The following IL1RL1 variants were observed in gnomAD, a reference collection of about 807,000 sequenced individuals.
IL1RL1 encodes interleukin 1 receptor like 1, also known as interleukin-1 receptor-like 1.
Under a neutral mutation model 50.9 loss-of-function variants are expected in IL1RL1, and 32 were observed. That is an observed-to-expected ratio of 0.63 (90% CI 0.47 to 0.84). The LOEUF (loss-of-function observed/expected upper bound fraction) is 0.84. IL1RL1 is among the 40% of genes least tolerant of loss of function. The pLI is 0.00. For missense variants in IL1RL1, 773 were observed against 662.9 expected, an observed-to-expected ratio of 1.17 and a Z score of -1.82; for synonymous variants, 275 against 236.0, an observed-to-expected ratio of 1.17 and a Z score of -1.51.
chr2:102,340,951 C>T, intron 5 of IL1RL1, 123 bp downstream of exon 5: 1 of 773,476 alleles, frequency 1.3e-6, no homozygotes, highest in Non-Finnish European at 2.0e-6. Flanking sequence ...CCTGCTCCAT[C>T]TTATCTTATA....
Position 102,340,261 on chromosome 2 carries a change from G to T in IL1RL1, c.436G>T (p.Glu146Ter). 6.3e-7 allele frequency: 1 copy of T among 1,592,916 alleles called. No individual in the cohort carries two copies. The highest frequency in any genetic ancestry group is 8.5e-7 in the Non-Finnish European group (1 of 1,175,224). Residue 146 changes from glutamate (E) to a stop codon, truncating the protein, a stop_gained, in exon 4 of 11, where the codon GAG becomes TAG. Transcript: ENST00000233954. LOFTEE classifies it high-confidence loss of function. ...IDLYNWTAPL[E>*]WFKNCQALQG... ...CCTCTACAACTGGACAGCACCTCTT[G>T]AGTGGTTTAAGGTAAGAAGAAATTT...
At chr2:102,329,752 TG>T (rs1196231825) in intron 1 of IL1RL1, among the ~76,000 whole-genome samples, 1 of 152,206 alleles carries the variant, frequency 6.6e-6, no homozygotes, top group Non-Finnish European at 1.5e-5. Context: ...TCATCATCAC[TG>T]GCCATCAGAG....
Position 102,349,154 on chromosome 2 carries a change from A to C in IL1RL1, c.1193A>C (p.Glu398Ala). The change falls in exon 10 of 11, where the codon GAG (glutamate) becomes GCG (alanine). Residue 398 changes from glutamate (E) to alanine (A), a missense_variant. Transcript: ENST00000233954. ...KSSTDGASRV[E>A]HFVHQILPDV... Reference sequence around the variant, plus strand: ...AGTACAGATGGGGCCAGTCGTGTAGAGCACTTTGTTCACCAGATTCTGCCT... The same window carrying C: ...AGTACAGATGGGGCCAGTCGTGTAGCGCACTTTGTTCACCAGATTCTGCCT... 3.1e-6 allele frequency: 5 copies of C among 1,613,370 alleles called. No homozygotes were observed. The highest frequency in any genetic ancestry group is 4.2e-6 in the Non-Finnish European group (5 of 1,179,318).
rs1283212888 is a variant in IL1RL1 at position 102,338,269 on chromosome 2, G to A, written c.5G>A (p.Gly2Glu). The change falls in exon 2 of 11, where the codon GGG (glycine) becomes GAG (glutamate). Residue 2 changes from glycine to glutamate, a missense_variant. By Grantham distance (98) the Gly-to-Glu change is moderately conservative. Transcript: ENST00000233954. The part of the protein sequence containing the change: M[G>E]FWILAILTIL... ...TGCTCTTGATTGATAAACAGAATGG[G>A]GTTTTGGATCTTAGCAATTCTCACA... The A allele has an allele frequency of 1.9e-6, 3 of 1,604,948 alleles. No individual in the cohort carries two copies. The highest frequency in any genetic ancestry group is 2.6e-6 in the Non-Finnish European group (3 of 1,173,272).
intron 1 of IL1RL1, among the ~76,000 whole-genome samples, chr2:102,326,329 C>T (rs1237516270): frequency 1.3e-5 from 2 of 152,102 alleles, no homozygotes; most frequent in Admixed American, 6.5e-5. Flanking sequence ...ACCAGGCCTG[C>T]CCTACAAGAG....
Position 102,351,974 on chromosome 2 carries a change from C to T in IL1RL1, c.*53C>T. The T allele has an allele frequency of 4.6e-6, 7 of 1,533,272 alleles. No individual in the cohort carries two copies. Among genetic ancestry groups the T allele is most frequent in the Non-Finnish European group, 5.3e-6 (6 of 1,135,032 alleles). The allele number at this position is 1,533,272 out of a possible 1,614,324, so 95.0% of individuals were successfully genotyped here. On this transcript the variant is annotated 3_prime_UTR_variant, in exon 11 of 11. Coordinates refer to ENST00000233954, the MANE Select transcript of IL1RL1 (RefSeq NM_016232.5). ...GAGTTTGAAGCTTTCCTGACTTCTC[C>T]TAGCTGGCTTATGCCCCTGCACTGA... is the stretch of plus-strand genomic sequence containing the variant.
chr2:102,320,001 T>G (rs1485507445), intron 1 of IL1RL1, among the ~76,000 whole-genome samples: 1 of 152,228 alleles, frequency 6.6e-6, no homozygotes, highest in Non-Finnish European at 1.5e-5. Flanking sequence ...TTCTTTTGCT[T>G]TGTTATTTTA....
At chr2:102,343,814 T>C (rs1573158321) in intron 8 of IL1RL1, 6 of 1,047,786 alleles carry the variant, frequency 5.7e-6, no homozygotes, top group Non-Finnish European at 6.9e-6. Flanking sequence ...CATGGTCCGT[T>C]CTATACCTTT....
At chr2:102,343,448 A>C (rs1677658748) in intron 8 of IL1RL1, 33 bp downstream of exon 8, 1 of 1,614,038 alleles carries the variant, frequency 6.2e-7, no homozygotes, top group Non-Finnish European at 8.5e-7. Flanking sequence ...TGATCACCTG[A>C]ACTTTCTCTA....
chr2:102,322,152 C>A (rs1330110775), intron 1 of IL1RL1, among the ~76,000 whole-genome samples: 1 of 152,204 alleles, frequency 6.6e-6, no homozygotes, highest in Non-Finnish European at 1.5e-5. Flanking sequence ...AGTCTTGACT[C>A]TGAATTCCAT....
At chr2:102,342,814 T>C (rs988057456) in intron 6 of IL1RL1, among the ~76,000 whole-genome samples, 3 of 152,038 alleles carry the variant, frequency 2.0e-5, no homozygotes, top group African/African-American at 7.3e-5. Context: ...GATGAGAATA[T>C]AGTGGGAGCT....
chr2:102,333,071 G>A (rs1272508724), intron 1 of IL1RL1, among the ~76,000 whole-genome samples: 1 of 152,088 alleles, frequency 6.6e-6, no homozygotes, highest in Non-Finnish European at 1.5e-5. Context: ...TCCATCGTGT[G>A]GTACCTCCCA....
chr2:102,325,167 G>A (rs1316098590), intron 1 of IL1RL1, among the ~76,000 whole-genome samples: 2 of 151,792 alleles, frequency 1.3e-5, no homozygotes, highest in Non-Finnish European at 1.5e-5. Context: ...CCAGAGGAAC[G>A]ATCAGGCAGC....
chr2:102,335,340 C>G (rs1417118184), intron 1 of IL1RL1, among the ~76,000 whole-genome samples: 1 of 152,038 alleles, frequency 6.6e-6, no homozygotes, highest in East Asian at 1.9e-4. Flanking sequence ...CTTTACCAGC[C>G]TAATCTCTGG....
At position 102,348,066 on chromosome 2, in the gene IL1RL1, A is replaced by G; in HGVS notation, c.1092A>G (p.Ile364Met). The change falls in exon 9 of 11, where the codon ATA (isoleucine) becomes ATG (methionine). Residue 364 changes from isoleucine (I) to methionine (M), a missense_variant. Ile to Met is a conservative substitution (Grantham distance 10). Coordinates refer to ENST00000233954, the MANE Select transcript of IL1RL1 (RefSeq NM_016232.5). ...AGGCCACTCTGCTCTGGAGAGACAT[A>G]GCTAAACCTTACAAGACTAGGAATG... is the stretch of plus-strand genomic sequence containing the variant. ...WIEATLLWRD[I>M]AKPYKTRNDG... is the part of the protein sequence containing the mutation. 1 of 1,612,612 alleles carries G rather than the reference A, an allele frequency of 6.2e-7. No individual in the cohort carries two copies. Among genetic ancestry groups the G allele is most frequent in the South Asian group, 1.1e-5 (1 of 90,702 alleles).
chr2:102,323,489 T>G (rs1425647353), intron 1 of IL1RL1, among the ~76,000 whole-genome samples: 1 of 152,040 alleles, frequency 6.6e-6, no homozygotes, highest in Non-Finnish European at 1.5e-5. Flanking sequence ...AGTTCAAGAC[T>G]GGGCAACTGC....
intron 10 of IL1RL1, among the ~76,000 whole-genome samples, chr2:102,350,639 G>A (rs113103219): frequency 0.014 from 2,103 of 152,300 alleles, 2 homozygotes; most frequent in African/African-American, 0.049. Flanking sequence ...CTGGGTGGCT[G>A]ATCATCATGG....
intron 1 of IL1RL1, among the ~76,000 whole-genome samples, chr2:102,314,283 C>G (rs555976888): frequency 6.6e-6 from 1 of 152,210 alleles, no homozygotes; most frequent in African/African-American, 2.4e-5. Flanking sequence ...TCCTTGCTGA[C>G]TCCAATCTTG....
intron 1 of IL1RL1, among the ~76,000 whole-genome samples, chr2:102,321,509 GCC>G (rs1559595634): frequency 6.6e-6 from 1 of 152,106 alleles, no homozygotes; most frequent in East Asian, 1.9e-4. Flanking sequence ...GGTATGTGCG[GCC>G]ATGTTAGATG....
Sources: allele counts gnomAD v4.1 joint callset (sites outside exome capture counted in the v4.1 genomes callset), GRCh38; gene constraint gnomAD v4.1.1; transcripts MANE v1.5; gene names NCBI Gene and HGNC (gene_info 2026-07-23, HGNC 2026-07-21).